Variants in SCML2 observed in about 807,000 individuals in gnomAD.
SCML2 encodes Scm polycomb group protein like 2, also known as sex comb on midleg-like protein 2.
Under a neutral mutation model 48.4 loss-of-function variants are expected in SCML2, and 6 were observed. That is an observed-to-expected ratio of 0.12 (90% CI 0.07 to 0.24). The LOEUF (loss-of-function observed/expected upper bound fraction) is 0.24, where lower values mean the gene tolerates loss of function less well. Among genes scored for constraint, SCML2 ranks in the 10% least tolerant of loss-of-function variants. The probability of loss-of-function intolerance (pLI) is 1.00; values close to 1 mark genes in which losing one functional copy is unlikely to be tolerated. For missense variants in SCML2, 377 were observed against 528.2 expected (o/e 0.71, Z 2.81); for synonymous variants, 181 against 189.5 (o/e 0.95, Z 0.37).
chrX:18,323,949 T>C lies in SCML2; in HGVS notation c.307A>G (p.Arg103Gly). The C allele has an allele frequency of 8.3e-7, 1 of 1,211,397 alleles. No individual in the cohort carries two copies. Among genetic ancestry groups the C allele is most frequent in the Non-Finnish European group, 1.1e-6 (1 of 895,090 alleles). Residue 103 changes from arginine (R) to glycine (G), a missense_variant, in exon 5 of 15, where the codon AGA (arginine) becomes GGA (glycine). Coordinates refer to ENST00000251900, the MANE Select transcript of SCML2 (RefSeq NM_006089.3). Reference protein sequence around the residue: ...LRLRLDGSDNRNDFWRLVDSP... With the variant: ...LRLRLDGSDNGNDFWRLVDSP... ...TCGACAAGCCTCCAAAAATCATTTC[T>C]GTTGTCACTACCATCCAGTCGTAAC... is the stretch of plus-strand genomic sequence containing the variant.
chrX:18,282,959 T>C (rs765621867), intron 7 of SCML2, among the ~76,000 whole-genome samples: 1 of 111,247 alleles, frequency 9.0e-6, no homozygotes, highest in African/African-American at 3.3e-5. Context: ...GCTAGCATCA[T>C]TAGCCTAATA....
chrX:18,293,407 T>C (rs1192742717), intron 7 of SCML2, among the ~76,000 whole-genome samples: 1 of 111,594 alleles, frequency 9.0e-6, no homozygotes, highest in South Asian at 3.8e-4. Flanking sequence ...TAACCATACT[T>C]TCCCCAGAAT....
intron 7 of SCML2, among the ~76,000 whole-genome samples, chrX:18,299,252 G>A (rs1002786632): frequency 1.6e-4 from 18 of 111,428 alleles, no homozygotes; most frequent in Non-Finnish European, 3.2e-4. Flanking sequence ...GGTGGCTCAC[G>A]CCTGTATTCC....
chrX:18,314,811 G>A (rs754585021), intron 6 of SCML2, among the ~76,000 whole-genome samples: 1 of 111,477 alleles, frequency 9.0e-6, no homozygotes, highest in Non-Finnish European at 1.9e-5. Flanking sequence ...GGAATGGGCC[G>A]GACACAGTGG....
chrX:18,241,016 T>C lies in SCML2; in HGVS notation c.*235A>G. The stretch of plus-strand genomic sequence containing the variant: ...ATTTGAATATGCCAATACTAACCTG[T>C]TAAATGCTTTTTAAAGAAGTAGACT... On this transcript the variant is annotated 3_prime_UTR_variant, in exon 15 of 15. Transcript: ENST00000251900. 1 of 205,359 alleles carries C rather than the reference T, an allele frequency of 4.9e-6. No individual in the cohort carries two copies. The highest frequency in any genetic ancestry group is 9.0e-6 in the Non-Finnish European group (1 of 111,194). 16.9% of individuals were successfully genotyped at this position (205,359 alleles called of 1,213,427 possible).
chrX:18,345,991 C>T (rs1387865895), intron 1 of SCML2, among the ~76,000 whole-genome samples: 1 of 109,399 alleles, frequency 9.1e-6, no homozygotes, highest in East Asian at 2.9e-4. Context: ...TCTCAAACTC[C>T]TGAGCTCAAA....
chrX:18,242,525 T>A lies in SCML2; in HGVS notation c.1888A>T (p.Thr630Ser). ...LKQGFSKDPS[T>S]WSVDEVIQFM... ...TGTATCACTTCATCCACAGACCAGG[T>A]TGAAGGGTCCTTAGAGAAGCCTTGT... The change falls in exon 14 of 15, where the codon ACC becomes TCC. Residue 630 changes from threonine (T) to serine (S), a missense_variant. Thr to Ser is a moderately conservative substitution (Grantham distance 58). Transcript: ENST00000251900. The A allele has an allele frequency of 8.3e-7, 1 of 1,208,128 alleles. No individual in the cohort carries two copies.
At chrX:18,276,555 G>A (rs969382166) in intron 7 of SCML2, among the ~76,000 whole-genome samples, 18 of 111,436 alleles carry the variant, frequency 1.6e-4, no homozygotes, top group African/African-American at 4.9e-4. Flanking sequence ...CACTATTCAC[G>A]GTAGCCAAAA....
chrX:18,333,732 G>T (rs1008295288), intron 2 of SCML2, among the ~76,000 whole-genome samples: 1 of 112,037 alleles, frequency 8.9e-6, no homozygotes, highest in African/African-American at 3.2e-5. Context: ...CATATTCATG[G>T]AATAGTGAGC....
chrX:18,308,341 G>C (rs1928832701), intron 6 of SCML2, among the ~76,000 whole-genome samples: 1 of 85,904 alleles, frequency 1.2e-5, no homozygotes. Flanking sequence ...GAAGGACAGG[G>C]AGGGAGGAAA....
At chrX:18,326,966 C>T (rs1442234909) in intron 3 of SCML2, among the ~76,000 whole-genome samples, 1 of 111,508 alleles carries the variant, frequency 9.0e-6, no homozygotes, top group African/African-American at 3.3e-5. Context: ...AAGTGAAAAC[C>T]GAAATCCACG....
chrX:18,279,381 T>C (rs748926795), intron 7 of SCML2, among the ~76,000 whole-genome samples: 15 of 112,642 alleles, frequency 1.3e-4, no homozygotes, highest in African/African-American at 4.2e-4. Flanking sequence ...CAATGGACTA[T>C]ACTCAACTTA....
intron 10 of SCML2, 67 bp downstream of exon 10, chrX:18,257,977 A>C: frequency 2.0e-6 from 1 of 510,311 alleles, no homozygotes; most frequent in Non-Finnish European, 3.1e-6. Context: ...GGGGAAGGGA[A>C]GGGGGAAGGG....
intron 7 of SCML2, among the ~76,000 whole-genome samples, chrX:18,289,078 G>C (rs1276792335): frequency 8.9e-6 from 1 of 111,768 alleles, no homozygotes; most frequent in Non-Finnish European, 1.9e-5. Context: ...AGAAAGAAAT[G>C]AGAAGACATG....
At chrX:18,306,731 T>C (rs1051102652) in intron 6 of SCML2, among the ~76,000 whole-genome samples, 4 of 111,380 alleles carry the variant, frequency 3.6e-5, no homozygotes, top group African/African-American at 6.5e-5. Flanking sequence ...TTAAAACCCA[T>C]CTCATCACCC....
intron 2 of SCML2, 101 bp from the exon 3 acceptor site, chrX:18,330,756 T>G (rs766713634): frequency 6.1e-5 from 27 of 441,479 alleles, no homozygotes; most frequent in Admixed American, 2.8e-4. Context: ...CCAATTTTAG[T>G]TTTATAATAT....
chrX:18,252,261 G>A (rs1189508016), intron 11 of SCML2, among the ~76,000 whole-genome samples: 1 of 112,746 alleles, frequency 8.9e-6, no homozygotes, highest in East Asian at 2.8e-4. Context: ...GCAACAGAGC[G>A]AGACTCCGTC....
intron 6 of SCML2, among the ~76,000 whole-genome samples, chrX:18,307,041 G>A (rs1271976390): frequency 1.8e-5 from 2 of 111,081 alleles, no homozygotes; most frequent in Admixed American, 1.9e-4. Context: ...TCAGCACTTT[G>A]GGAGGCCAAG....
At chrX:18,305,752 A>C (rs1398958249) in intron 6 of SCML2, among the ~76,000 whole-genome samples, 1 of 110,523 alleles carries the variant, frequency 9.0e-6, no homozygotes, top group Non-Finnish European at 1.9e-5. Context: ...AAAATGAATA[A>C]CTTAAAATTT....
Sources: gnomAD v4.1 joint callset for allele counts (sites outside exome capture counted in the v4.1 genomes callset) on GRCh38, gnomAD v4.1.1 for gene constraint, MANE v1.5 for transcripts, NCBI Gene and HGNC (gene_info 2026-07-23, HGNC 2026-07-21) for gene names.